BACH2: variants seen among roughly 807,000 people sequenced by gnomAD.
BACH2 encodes transcription regulator protein BACH2.
Under a neutral mutation model 61.8 loss-of-function variants are expected in BACH2, and 5 were observed. That is an observed-to-expected ratio of 0.08 (90% confidence interval 0.04 to 0.17). The LOEUF (loss-of-function observed/expected upper bound fraction) is 0.17, where lower values mean the gene tolerates loss of function less well. Ranked by LOEUF, BACH2 falls within the 10% of genes least tolerant of loss-of-function variation. The pLI, the probability that BACH2 is intolerant of heterozygous loss-of-function variation, is 1.00. For missense variants in BACH2, 824 were observed against 1,091.1 expected (o/e 0.76, Z 3.45); for synonymous variants, 446 against 440.1 (o/e 1.01, Z -0.17).
At chr6:90,087,760 C>T (rs1399563946) in intron 5 of BACH2, among the ~76,000 whole-genome samples, 1 of 151,554 alleles carries the variant, frequency 6.6e-6, no homozygotes, top group Non-Finnish European at 1.5e-5. Context: ...TGTGGGTATA[C>T]AGTAGGTGTG....
chr6:90,274,858 T>G (rs1476836483), intron 1 of BACH2, among the ~76,000 whole-genome samples: 2 of 152,168 alleles, frequency 1.3e-5, no homozygotes, highest in Non-Finnish European at 2.9e-5. Context: ...ATCAAATACC[T>G]GGGGCACTGA....
intron 1 of BACH2, among the ~76,000 whole-genome samples, chr6:90,296,083 A>G (rs1772363289): frequency 6.6e-6 from 1 of 152,114 alleles, no homozygotes; most frequent in East Asian, 1.9e-4. Flanking sequence ...CGCGGGTCTG[A>G]CAGCTGCTGC....
chr6:90,059,572 C>G (rs529757925), intron 5 of BACH2, among the ~76,000 whole-genome samples: 2 of 152,272 alleles, frequency 1.3e-5, no homozygotes, highest in East Asian at 3.9e-4. Context: ...TGTGGTGATT[C>G]CTCAGGGATC....
chr6:90,137,019 C>T (rs1385267407), intron 4 of BACH2, among the ~76,000 whole-genome samples: 2 of 152,036 alleles, frequency 1.3e-5, no homozygotes, highest in African/African-American at 4.8e-5. Flanking sequence ...GTCCTGGTAG[C>T]ATGTCATGTC....
chr6:89,935,485 G>A (rs889070910), intron 8 of BACH2, among the ~76,000 whole-genome samples: 3 of 152,270 alleles, frequency 2.0e-5, no homozygotes, highest in South Asian at 4.1e-4. Context: ...ATGAGGTGCC[G>A]CGTGTGACAG....
chr6:90,114,560 T>C (rs1256833946), intron 4 of BACH2, among the ~76,000 whole-genome samples: 3 of 152,000 alleles, frequency 2.0e-5, no homozygotes, highest in Non-Finnish European at 4.4e-5. Flanking sequence ...AGCCAACATA[T>C]TACTGAATGG....
At chr6:90,058,275 T>C (rs1780480781) in intron 5 of BACH2, among the ~76,000 whole-genome samples, 1 of 152,134 alleles carries the variant, frequency 6.6e-6, no homozygotes, top group African/African-American at 2.4e-5. Context: ...TTCAGCAAAG[T>C]CTCAGGATAC....
chr6:89,959,113 A>G (rs1052608998), intron 6 of BACH2, among the ~76,000 whole-genome samples: 1 of 82,268 alleles, frequency 1.2e-5, no homozygotes, highest in Non-Finnish European at 2.9e-5. Context: ...ACACACACAC[A>G]CACACACACA....
intron 2 of BACH2, among the ~76,000 whole-genome samples, chr6:90,256,212 A>C (rs1424540727): frequency 6.6e-6 from 1 of 152,146 alleles, no homozygotes; most frequent in African/African-American, 2.4e-5. Context: ...CATGAAACTT[A>C]TAGTGTCTTC....
intron 5 of BACH2, among the ~76,000 whole-genome samples, chr6:90,022,319 C>T (rs952367801): frequency 6.6e-6 from 1 of 152,238 alleles, no homozygotes; most frequent in Non-Finnish European, 1.5e-5. Context: ...CGCGGTGGCT[C>T]ATGCCTGTAA....
chr6:89,973,868 T>C (rs6910129), intron 6 of BACH2, among the ~76,000 whole-genome samples: 16,790 of 152,172 alleles, frequency 0.11, 1,102 homozygotes, highest in Admixed American at 0.2. Flanking sequence ...CATTAATGGA[T>C]AAAGTGAAAG....
At chr6:90,234,791 G>A (rs1770206700) in intron 3 of BACH2, among the ~76,000 whole-genome samples, 1 of 152,216 alleles carries the variant, frequency 6.6e-6, no homozygotes, top group Non-Finnish European at 1.5e-5. Flanking sequence ...AGCAGCAGCA[G>A]GATGTACAGT....
rs1184419466 is a variant in BACH2 at position 90,043,288 on chromosome 6, T to C, written c.-12-34432A>G. Among the ~76,000 whole-genome samples the C allele has an allele frequency of 2.0e-5, 3 of 152,138 alleles. No individual in the cohort carries two copies. In the East Asian group the frequency reaches 5.8e-4, roughly 29 times the overall value. ...GTTGAGAGGTGGGACCTTTAGGAGG[T>C]GATTGGGTCATGAGGGTTCTGTCTT... On this transcript the variant is annotated intron_variant, in intron 5 of 8. Coordinates refer to ENST00000257749, the MANE Select transcript of BACH2 (RefSeq NM_021813.4).
In BACH2 at chr6:89,989,294, C is replaced by T. The variant is rs543183384; in HGVS notation, c.243+19308G>A. 3.5e-4 allele frequency among the ~76,000 whole-genome samples: 54 copies of T among 152,298 alleles called. 1 individual carries two copies. The South Asian group carries it at 0.011, about 31-fold the overall frequency. On this transcript the variant is annotated intron_variant, in intron 6 of 8. Coordinates refer to ENST00000257749, the MANE Select transcript of BACH2 (RefSeq NM_021813.4). Reference sequence around the variant, plus strand: ...CTGAAAATCTATACCCATTAAACAACAACTCTCCTTTTCCACCTCCTCACA... The same window carrying T: ...CTGAAAATCTATACCCATTAAACAATAACTCTCCTTTTCCACCTCCTCACA...
At chr6:90,031,228 C>G (rs1169783462) in intron 5 of BACH2, among the ~76,000 whole-genome samples, 2 of 152,008 alleles carry the variant, frequency 1.3e-5, no homozygotes, top group African/African-American at 4.8e-5. Context: ...CTATCTATGA[C>G]AAACCCACAG....
chr6:90,214,222 T>C (rs907263043), intron 3 of BACH2, among the ~76,000 whole-genome samples: 9 of 152,180 alleles, frequency 5.9e-5, no homozygotes, highest in Admixed American at 5.9e-4. Context: ...CACTTTGGAT[T>C]GAGAAGGCTG....
At position 89,981,436 on chromosome 6, in the gene BACH2, T is replaced by C. The variant is rs533384004; in HGVS notation, c.243+27166A>G. ...GATTACAGGAGTGAGCCACCGCGCC[T>C]GGCCGATTCCTGTTTTAAACAGAGT... On this transcript the variant is annotated intron_variant, in intron 6 of 8. Coordinates refer to ENST00000257749, the MANE Select transcript of BACH2 (RefSeq NM_021813.4). Among the ~76,000 whole-genome samples the C allele has an allele frequency of 3.3e-5, 5 of 152,220 alleles. 1 individual carries two copies. The highest frequency in any genetic ancestry group is 1.9e-4 in the East Asian group (1 of 5,168).
At chr6:90,014,468 A>ATATATATTTT (rs1222156456) in intron 5 of BACH2, among the ~76,000 whole-genome samples, 2 of 32,306 alleles carry the variant, frequency 6.2e-5, no homozygotes, top group African/African-American at 4.1e-4. Context: ...ATATATATAT[A>ATATATATTTT]TTTTTTTTTT....
intron 5 of BACH2, among the ~76,000 whole-genome samples, chr6:90,055,108 A>T (rs1780261626): frequency 6.6e-6 from 1 of 152,264 alleles, no homozygotes; most frequent in South Asian, 2.1e-4. Context: ...CAGCAATGGA[A>T]CAAAGCTGGA....
Sources: gnomAD v4.1 joint callset for allele counts (sites outside exome capture counted in the v4.1 genomes callset) on GRCh38, gnomAD v4.1.1 for gene constraint, MANE v1.5 for transcripts, NCBI Gene and HGNC (gene_info 2026-07-23, HGNC 2026-07-21) for gene names.